The following PRKCH variants were observed in gnomAD, a reference collection of about 807,000 sequenced individuals.
The protein encoded by PRKCH is protein kinase C eta type.
A neutral mutation model predicts 82.5 loss-of-function variants in PRKCH; 28 were observed. The observed-to-expected ratio is 0.34, with a 90% CI of 0.25 to 0.47. PRKCH has a LOEUF of 0.47. Among genes scored for constraint, PRKCH ranks in the 20% least tolerant of loss-of-function variants. PRKCH has a pLI of 1.00. For missense variants in PRKCH, 705 were observed against 881.8 expected (o/e 0.80, Z 2.54); for synonymous variants, 322 against 327.4 (o/e 0.98, Z 0.18).
intron 1 of PRKCH, among the ~76,000 whole-genome samples, chr14:61,286,650 C>T (rs1366884616): frequency 6.6e-6 from 1 of 152,054 alleles, no homozygotes; most frequent in African/African-American, 2.4e-5. Context: ...GTGGCGCATG[C>T]CTGTAATCCC....
In PRKCH at chr14:61,401,414, A is replaced by G. The variant is rs184800632; in HGVS notation, c.427+10126A>G. Among the ~76,000 whole-genome samples, 11 of 152,058 alleles carry G rather than the reference A, an allele frequency of 7.2e-5. No individual in the cohort carries two copies. The East Asian group carries it at 2.0e-3, about 27-fold the overall frequency. On this transcript the variant is annotated intron_variant, in intron 2 of 13. Transcript: ENST00000332981. The stretch of plus-strand genomic sequence containing the variant: ...AGGTGGTGGCTTTGTTGGAAATTTT[A>G]AAATTCATTCTCAAAGTGTGATCCT...
chr14:61,343,763 T>A (rs1180124709), intron 1 of PRKCH, among the ~76,000 whole-genome samples: 1 of 152,208 alleles, frequency 6.6e-6, no homozygotes, highest in Non-Finnish European at 1.5e-5. Flanking sequence ...TTTGTTAGAC[T>A]GAAATGAGGA....
chr14:61,366,501 A>T (rs550340030), intron 1 of PRKCH, among the ~76,000 whole-genome samples: 1 of 152,234 alleles, frequency 6.6e-6, no homozygotes. Flanking sequence ...CACGTATGGA[A>T]GTTCAGTGGA....
intron 1 of PRKCH, among the ~76,000 whole-genome samples, chr14:61,371,585 C>T (rs2046364579): frequency 6.6e-6 from 1 of 152,058 alleles, no homozygotes; most frequent in South Asian, 2.1e-4. Flanking sequence ...ACCACACAGG[C>T]AGGCATAGTA....
At chr14:61,424,772 T>A (rs994216058) in intron 2 of PRKCH, among the ~76,000 whole-genome samples, 17 of 152,228 alleles carry the variant, frequency 1.1e-4, no homozygotes, top group Non-Finnish European at 2.5e-4. Context: ...GAAGGACTTT[T>A]GCAGCAGCCC....
chr14:61,408,311 T>C (rs920425479), intron 2 of PRKCH, among the ~76,000 whole-genome samples: 1 of 152,136 alleles, frequency 6.6e-6, no homozygotes, highest in Non-Finnish European at 1.5e-5. Flanking sequence ...TTTCAATTTG[T>C]TTGGATCAGA....
chr14:61,473,076 G>A (rs1207673085), intron 9 of PRKCH, among the ~76,000 whole-genome samples: 1 of 152,108 alleles, frequency 6.6e-6, no homozygotes, highest in African/African-American at 2.4e-5. Context: ...AGATGAATAG[G>A]GATCTTATAG....
At position 61,430,901 on chromosome 14, in the gene PRKCH, C is replaced by T. The variant is rs543206022; in HGVS notation, c.428-12210C>T. 8.4e-4 allele frequency among the ~76,000 whole-genome samples: 128 copies of T among 152,192 alleles called. 1 individual carries two copies. Among genetic ancestry groups the T allele is most frequent in the African/African-American group, 2.9e-3 (119 of 41,540 alleles). On this transcript the variant is annotated intron_variant, in intron 2 of 13. Coordinates refer to ENST00000332981, the MANE Select transcript of PRKCH (RefSeq NM_006255.5). ...TCCCGAGTAGCTGGGACTACAGGCACGTGCCACCACGCCTGGCTAATTTTT... is the reference window on the plus strand; with the variant it reads ...TCCCGAGTAGCTGGGACTACAGGCATGTGCCACCACGCCTGGCTAATTTTT...
At chr14:61,207,443 T>C (rs189223345) in intron 1 of PRKCH, among the ~76,000 whole-genome samples, 191 of 152,308 alleles carry the variant, frequency 1.3e-3, no homozygotes, top group African/African-American at 4.0e-3. Context: ...GGACATTAAG[T>C]CCCCTTTGGT....
chr14:61,398,662 G>A (rs1216502644), intron 2 of PRKCH, among the ~76,000 whole-genome samples: 1 of 152,174 alleles, frequency 6.6e-6, no homozygotes, highest in African/African-American at 2.4e-5. Context: ...CCTTAGACCA[G>A]TCAGGCTTCC....
At chr14:61,382,407 G>A (rs573802408) in intron 1 of PRKCH, among the ~76,000 whole-genome samples, 1 of 152,120 alleles carries the variant, frequency 6.6e-6, no homozygotes, top group Admixed American at 6.5e-5. Context: ...TCTAGCCTGG[G>A]TGACAGAGCC....
chr14:61,501,365 A>C (rs1886898717), intron 10 of PRKCH, among the ~76,000 whole-genome samples: 1 of 152,176 alleles, frequency 6.6e-6, no homozygotes, highest in African/African-American at 2.4e-5. Context: ...CATTAGATCT[A>C]CATATATTGA....
At chr14:61,486,375 T>G (rs1886221751) in intron 10 of PRKCH, among the ~76,000 whole-genome samples, 1 of 152,324 alleles carries the variant, frequency 6.6e-6, no homozygotes, top group South Asian at 2.1e-4. Context: ...TGATAATATC[T>G]TCCGTGTGTA....
intron 9 of PRKCH, among the ~76,000 whole-genome samples, chr14:61,459,941 T>A (rs1324366422): frequency 2.6e-5 from 4 of 152,186 alleles, no homozygotes; most frequent in Admixed American, 2.6e-4. Context: ...GCTCCCAGGC[T>A]AAAGCTATCC....
chr14:61,280,754 G>A lies in PRKCH; in HGVS notation c.-19+93086G>A, dbSNP rs2045253331. 6.4e-7 allele frequency: 1 copy of A among 1,560,600 alleles called. No individual in the cohort carries two copies. Among genetic ancestry groups the A allele is most frequent in the African/African-American group, 1.4e-5 (1 of 73,858 alleles). On this transcript the variant is annotated intron_variant, in intron 1 of 3. Coordinates refer to the PRKCH transcript ENST00000555185. The surrounding 1 kb of genome is among the most constrained non-coding windows in gnomAD (Gnocchi z 5.0). ...AGCGCGCTGGGGAGTCCGCTCAGCTGCGCGTCGTCGCGGGACACGCCGTAG... is the reference window on the plus strand; with the variant it reads ...AGCGCGCTGGGGAGTCCGCTCAGCTACGCGTCGTCGCGGGACACGCCGTAG...
chr14:61,270,575 A>C (rs1365935664), intron 1 of PRKCH, among the ~76,000 whole-genome samples: 1 of 152,244 alleles, frequency 6.6e-6, no homozygotes, highest in African/African-American at 2.4e-5. Flanking sequence ...TTTAAAAATT[A>C]TCCAAATTTC....
chr14:61,356,269 C>T (rs1209305606), intron 1 of PRKCH, among the ~76,000 whole-genome samples: 1 of 152,152 alleles, frequency 6.6e-6, no homozygotes, highest in African/African-American at 2.4e-5. Context: ...TCTATTGTTG[C>T]TGTCCAAAGT....
intron 1 of PRKCH, among the ~76,000 whole-genome samples, chr14:61,379,433 T>TA (rs2046468584): frequency 6.6e-6 from 1 of 152,238 alleles, no homozygotes; most frequent in Non-Finnish European, 1.5e-5. Flanking sequence ...GAGCAATGAA[T>TA]AATTAAGCAA....
chr14:61,247,594 G>C (rs1227251690), intron 1 of PRKCH, among the ~76,000 whole-genome samples: 1 of 151,888 alleles, frequency 6.6e-6, no homozygotes, highest in Admixed American at 6.6e-5. Flanking sequence ...AATTTAGCCA[G>C]GTATAGTGGC....
Sources: allele counts gnomAD v4.1 joint callset (sites outside exome capture counted in the v4.1 genomes callset), GRCh38; gene constraint gnomAD v4.1.1; non-coding constraint Gnocchi (gnomAD v3.1); transcripts MANE v1.5; gene names NCBI Gene and HGNC (gene_info 2026-07-23, HGNC 2026-07-21).